STIM1: variants seen among roughly 807,000 people sequenced by gnomAD.
The protein encoded by STIM1 is stromal interaction molecule 1.
A neutral mutation model predicts 74.7 loss-of-function variants in STIM1; 25 were observed. The ratio of observed to expected loss-of-function variants is 0.33; its 90% confidence interval spans 0.24 to 0.47. STIM1 has a LOEUF of 0.47. STIM1 is among the 20% of genes least tolerant of loss of function. STIM1 has a pLI of 1.00. For missense variants in STIM1, 728 were observed against 920.8 expected (o/e 0.79, Z 2.71); for synonymous variants, 328 against 348.8 (o/e 0.94, Z 0.66).
chr11:3,918,740 C>T (rs1047421058), intron 1 of STIM1, among the ~76,000 whole-genome samples: 7 of 152,028 alleles, frequency 4.6e-5, no homozygotes, highest in African/African-American at 1.5e-4. Flanking sequence ...GGTCAGCTTC[C>T]CTGGAACCAT....
Position 3,974,151 on chromosome 11 carries a change from C to A in STIM1, c.270+6469C>A, listed in dbSNP as rs1590614619. On this transcript the variant is annotated intron_variant, in intron 2 of 12. Transcript: ENST00000526596. ...CTGTTGCTCAGAATGGCTCATTGGA[C>A]CCTCACTGGTCATTTCAAAGCTCAA... The A allele has an allele frequency of 2.1e-5, 13 of 623,920 alleles. No homozygotes were observed. The East Asian group carries it at 3.7e-4, about 18-fold the overall frequency. 38.6% of individuals were successfully genotyped at this position (623,920 alleles called of 1,614,324 possible).
intron 3 of STIM1, among the ~76,000 whole-genome samples, chr11:4,033,393 A>G (rs1228836341): frequency 6.6e-6 from 1 of 152,206 alleles, no homozygotes; most frequent in Non-Finnish European, 1.5e-5. Context: ...AAAAATGTAT[A>G]TTCTATGAAG....
At chr11:4,051,281 C>G (rs554847879) in intron 3 of STIM1, among the ~76,000 whole-genome samples, 2 of 151,524 alleles carry the variant, frequency 1.3e-5, no homozygotes, top group Non-Finnish European at 2.9e-5. Flanking sequence ...TAAACTTTTG[C>G]TTTTTACTTT....
At chr11:3,916,064 T>C (rs2135499962) in intron 1 of STIM1, among the ~76,000 whole-genome samples, 1 of 152,022 alleles carries the variant, frequency 6.6e-6, no homozygotes, top group South Asian at 2.1e-4. Context: ...TCAAAATAAA[T>C]AAGTAAATAA....
intron 6 of STIM1, among the ~76,000 whole-genome samples, chr11:4,071,984 G>T (rs2094406465): frequency 6.6e-6 from 1 of 152,284 alleles, no homozygotes; most frequent in Middle Eastern, 3.4e-3. Flanking sequence ...TGGGCCCCTT[G>T]TTCTTGGGCC....
At chr11:3,909,176 G>A (rs921951442) in intron 1 of STIM1, among the ~76,000 whole-genome samples, 1 of 152,122 alleles carries the variant, frequency 6.6e-6, no homozygotes, top group Non-Finnish European at 1.5e-5. Context: ...ATGGTGACTG[G>A]GGAGGCCAAG....
intron 1 of STIM1, among the ~76,000 whole-genome samples, chr11:3,902,620 T>C (rs1032929027): frequency 2.0e-5 from 3 of 152,224 alleles, no homozygotes; most frequent in Non-Finnish European, 2.9e-5. Flanking sequence ...TAATGCTCGC[T>C]TGCCTGCCGC....
intron 1 of STIM1, among the ~76,000 whole-genome samples, chr11:3,881,426 A>G (rs1169907367): frequency 6.6e-6 from 1 of 152,090 alleles, no homozygotes; most frequent in Non-Finnish European, 1.5e-5. Flanking sequence ...GCTGGAGTGC[A>G]GTGGCATGAT....
At chr11:3,870,921 G>C (rs1447622741) in intron 1 of STIM1, among the ~76,000 whole-genome samples, 1 of 141,782 alleles carries the variant, frequency 7.1e-6, no homozygotes, top group Non-Finnish European at 1.5e-5. Flanking sequence ...TCGCCAGGCT[G>C]GAGTGCAGTG....
At chr11:3,967,745 A>C in intron 2 of STIM1, 63 bp downstream of exon 2, 1 of 1,608,060 alleles carries the variant, frequency 6.2e-7, no homozygotes, top group East Asian at 2.2e-5. Flanking sequence ...TTTGAAAGCT[A>C]CTTAGACAGC....
intron 1 of STIM1, 32 bp from the exon 2 acceptor site, chr11:3,967,520 G>A: frequency 2.5e-6 from 4 of 1,613,892 alleles, no homozygotes; most frequent in Non-Finnish European, 3.4e-6. Flanking sequence ...TGGCAGCTCT[G>A]AGTAATTTTG....
At chr11:3,935,238 C>G (rs1473563845) in intron 1 of STIM1, among the ~76,000 whole-genome samples, 1 of 152,094 alleles carries the variant, frequency 6.6e-6, no homozygotes. Context: ...GATTGTGTAC[C>G]CTTAGCCCTT....
At chr11:4,064,342 C>G (rs2094351565) in intron 5 of STIM1, among the ~76,000 whole-genome samples, 1 of 152,176 alleles carries the variant, frequency 6.6e-6, no homozygotes, top group South Asian at 2.1e-4. Context: ...TATTTCCCCT[C>G]TGAGCATGGA....
chr11:4,010,172 A>T (rs1249796828), intron 2 of STIM1, among the ~76,000 whole-genome samples: 2 of 142,190 alleles, frequency 1.4e-5, no homozygotes, highest in Admixed American at 7.0e-5. Context: ...AAATTTTCTG[A>T]TTTTTTTTTT....
intron 4 of STIM1, among the ~76,000 whole-genome samples, chr11:4,056,004 C>T (rs1023644382): frequency 6.6e-6 from 1 of 152,132 alleles, no homozygotes; most frequent in Admixed American, 6.5e-5. Flanking sequence ...AGTAACTTAT[C>T]CAAGGTCACA....
intron 1 of STIM1, among the ~76,000 whole-genome samples, chr11:3,906,179 G>A (rs2092462613): frequency 6.6e-6 from 1 of 152,242 alleles, no homozygotes; most frequent in Admixed American, 6.5e-5. Context: ...TTGCTGAGCT[G>A]TAGGATGCAC....
intron 1 of STIM1, among the ~76,000 whole-genome samples, chr11:3,894,808 A>G (rs2092006680): frequency 6.6e-6 from 1 of 151,888 alleles, no homozygotes; most frequent in Non-Finnish European, 1.5e-5. Flanking sequence ...GCACAGTCTC[A>G]GCTCACTGCA....
chr11:4,043,277 A>C (rs1015975554), intron 3 of STIM1, among the ~76,000 whole-genome samples: 5 of 152,258 alleles, frequency 3.3e-5, no homozygotes, highest in African/African-American at 1.2e-4. Context: ...GTTCTTAATC[A>C]TAAAAGGTCT....
intron 3 of STIM1, among the ~76,000 whole-genome samples, chr11:4,046,082 T>C (rs1457525309): frequency 1.5e-5 from 2 of 137,228 alleles, no homozygotes; most frequent in African/African-American, 5.4e-5. Flanking sequence ...TTTTTTTTTT[T>C]TTGAGACAGC....
Sources: allele counts gnomAD v4.1 joint callset (sites outside exome capture counted in the v4.1 genomes callset), GRCh38; gene constraint gnomAD v4.1.1; transcripts MANE v1.5; gene names NCBI Gene and HGNC (gene_info 2026-07-23, HGNC 2026-07-21).